ADAMTS13: variants seen among roughly 807,000 people sequenced by gnomAD.
The protein encoded by ADAMTS13 is A disintegrin and metalloproteinase with thrombospondin motifs 13.
In ADAMTS13, 110 loss-of-function variants were observed where a neutral mutation model predicts 155.1. The observed-to-expected ratio is 0.71, with a 90% CI of 0.61 to 0.83. The LOEUF (loss-of-function observed/expected upper bound fraction) is 0.83, where lower values mean the gene tolerates loss of function less well. Among genes scored for constraint, ADAMTS13 ranks in the 40% least tolerant of loss-of-function variants. The pLI, the probability that ADAMTS13 is intolerant of heterozygous loss-of-function variation, is 0.00. For synonymous variants in ADAMTS13, 758 were observed against 756.4 expected, an observed-to-expected ratio of 1.00 and a Z score of -0.03; for missense variants, 1,707 against 1,891.7, an observed-to-expected ratio of 0.90 and a Z score of 1.81.
chr9:133,426,019 G>A lies in ADAMTS13; in HGVS notation c.496G>A (p.Asp166Asn), dbSNP rs781825239. The A allele has an allele frequency of 1.8e-5, 29 of 1,614,020 alleles. No homozygotes were observed. Among genetic ancestry groups the A allele is most frequent in the Admixed American group, 5.0e-5 (3 of 60,028 alleles). Residue 166 changes from aspartate to asparagine, a missense_variant, in exon 5 of 29, where the codon GAC (aspartate) becomes AAC (asparagine). Asp to Asn is a conservative substitution (Grantham distance 23). Coordinates refer to ENST00000355699, the MANE Select transcript of ADAMTS13 (RefSeq NM_139027.6). ...GWSQTINPEDDTDPGHADLVL... is the reference protein window; with the variant it reads ...GWSQTINPEDNTDPGHADLVL... ...GAGCCAGACCATCAACCCTGAGGAC[G>A]ACACGGATCCTGGCCATGCTGACCT...
At chr9:133,430,150 T>A in intron 8 of ADAMTS13, 49 bp downstream of exon 8, 1 of 1,543,214 alleles carries the variant, frequency 6.5e-7, no homozygotes, top group Non-Finnish European at 8.7e-7. Context: ...TCCCTCCGCA[T>A]CACCCAGCTC....
At position 133,425,309 on chromosome 9, in the gene ADAMTS13, T is replaced by G. The variant is rs36218898; in HGVS notation, c.331-220T>G. On this transcript the variant is annotated intron_variant, in intron 3 of 28. Coordinates refer to ENST00000355699, the MANE Select transcript of ADAMTS13 (RefSeq NM_139027.6). This position sits in a 1 kb window ranked among gnomAD's most constrained non-coding sequence, Gnocchi z 4.6. ...CCCTTGCTTTGGAGTTTGTTTTCCT[T>G]GCGTTAGTTGGCCTTCCTGAGCCAT... is the stretch of plus-strand genomic sequence containing the variant. Among the ~76,000 whole-genome samples, 1 of 152,190 alleles carries G rather than the reference T, an allele frequency of 6.6e-6. No homozygotes were observed. Among genetic ancestry groups the G allele is most frequent in the African/African-American group, 2.4e-5 (1 of 41,446 alleles).
At position 133,440,660 on chromosome 9, in the gene ADAMTS13, T is replaced by C. The variant is rs1841605575; in HGVS notation, c.1968+135T>C. 1 of 1,117,444 alleles carries C rather than the reference T, an allele frequency of 8.9e-7. No homozygotes were observed. Among genetic ancestry groups the C allele is most frequent in the Non-Finnish European group, 1.2e-6 (1 of 805,014 alleles). The allele number at this position is 1,117,444 out of a possible 1,614,324, so 69.2% of individuals were successfully genotyped here. A position where few individuals can be genotyped will look rare whatever the true frequency, so the allele number is the denominator to read the frequency against. On this transcript the variant is annotated intron_variant, in intron 16 of 28. Transcript: ENST00000355699. The surrounding 1 kb of genome is among the most constrained non-coding windows in gnomAD (Gnocchi z 4.3). The stretch of plus-strand genomic sequence containing the variant: ...GCGGTCACTTACAGGGGACCCACTA[T>C]GTGTTGGGCCCTGTGCTAGGCAAAA...
chr9:133,458,773 G>A (rs1304831661), intron 28 of ADAMTS13, among the ~76,000 whole-genome samples: 1 of 152,170 alleles, frequency 6.6e-6, no homozygotes, highest in Non-Finnish European at 1.5e-5. Flanking sequence ...CCCCGCTCTG[G>A]CACCCTGACT....
In ADAMTS13 at chr9:133,432,475, G is replaced by A. The variant is rs587772548; in HGVS notation, c.988-113G>A. The stretch of plus-strand genomic sequence containing the variant: ...AGGGCACCAGTGCCCACGGTGCAGA[G>A]TGTTGGCTGTGTCAGTGTGTCCTGC... On this transcript the variant is annotated intron_variant, in intron 8 of 28. Transcript: ENST00000355699. 6.5e-4 allele frequency: 606 copies of A among 936,720 alleles called. 1 individual carries two copies. The highest frequency in any genetic ancestry group is 3.8e-3 in the Middle Eastern group (12 of 3,190). 58.0% of individuals were successfully genotyped at this position (936,720 alleles called of 1,614,324 possible).
At chr9:133,439,595 C>T (rs943819702) in intron 15 of ADAMTS13, 149 bp downstream of exon 15, 3 of 741,648 alleles carry the variant, frequency 4.0e-6, no homozygotes, top group Non-Finnish European at 7.3e-6. Flanking sequence ...AGGAAGACTC[C>T]CAGAGCTCAC....
chr9:133,432,786 C>A, intron 9 of ADAMTS13, 94 bp downstream of exon 9: 2 of 1,227,186 alleles, frequency 1.6e-6, no homozygotes, highest in Non-Finnish European at 2.3e-6. Flanking sequence ...GGAGGCAGGA[C>A]CAGTATGGGG....
chr9:133,430,371 G>C (rs1554787002), intron 8 of ADAMTS13, among the ~76,000 whole-genome samples: 2 of 152,198 alleles, frequency 1.3e-5, no homozygotes, highest in African/African-American at 4.8e-5. Flanking sequence ...TCCTGGCTGA[G>C]TGAGGACACC....
intron 23 of ADAMTS13, 59 bp from the exon 24 acceptor site, chr9:133,454,356 T>C: frequency 6.3e-7 from 1 of 1,591,816 alleles, no homozygotes; most frequent in Non-Finnish European, 8.6e-7. Context: ...GGGGCCTGCG[T>C]GGGGCAGTAC....
chr9:133,417,366 T>C (rs115822076), upstream of ADAMTS13, among the ~76,000 whole-genome samples: 4 of 152,268 alleles, frequency 2.6e-5, no homozygotes, highest in East Asian at 7.7e-4. Flanking sequence ...CCATTCTAGT[T>C]AGTTCATTAT....
Position 133,455,584 on chromosome 9 carries a change from G to T in ADAMTS13, c.3400+149G>T. On this transcript the variant is annotated intron_variant, in intron 25 of 28. Transcript: ENST00000355699. ...CTCGGCGGCTCCTGCCCGGGCCCCA[G>T]GAAAACTCAGTGCAGTCCAGTTATG... 1 of 1,604,226 alleles carries T rather than the reference G, an allele frequency of 6.2e-7. No individual in the cohort carries two copies. The highest frequency in any genetic ancestry group is 1.1e-5 in the South Asian group (1 of 90,994).
intron 9 of ADAMTS13, 52 bp downstream of exon 9, chr9:133,432,744 G>A (rs984088160): frequency 1.3e-5 from 20 of 1,521,590 alleles, no homozygotes; most frequent in East Asian, 2.4e-5. Context: ...GCACGTGGGT[G>A]CCTCCAGCCA....
rs985731672 is a variant in ADAMTS13 at position 133,442,731 on chromosome 9, C to G, written c.2222C>G (p.Pro741Arg). 6.2e-7 allele frequency: 1 copy of G among 1,612,704 alleles called. No homozygotes were observed. Residue 741 changes from proline (P) to arginine (R), a missense_variant, in exon 18 of 29, where the codon CCC (proline) becomes CGC (arginine). Physicochemically the swap from Pro to Arg is moderately radical, Grantham distance 103. Around this residue, in one of 3 missense-constraint regions of ADAMTS13, gnomAD observed 961 missense variants for 1,107.9 expected, o/e 0.87. Coordinates refer to ENST00000355699, the MANE Select transcript of ADAMTS13 (RefSeq NM_139027.6). The part of the protein sequence containing the change: ...PAWPEACVLE[P>R]CPPYWAVGDF... ...TGGCCAGAGGCCTGCGTGCTCGAAC[C>G]CTGCCCTCCCTAGTGAGTGTGGTGC...
At position 133,424,190 on chromosome 9, in the gene ADAMTS13, G is replaced by C; in HGVS notation, c.173-131G>C. 1 of 1,426,726 alleles carries C rather than the reference G, an allele frequency of 7.0e-7. No individual in the cohort carries two copies. The highest frequency in any genetic ancestry group is 9.7e-7 in the Non-Finnish European group (1 of 1,027,526). The allele number at this position is 1,426,726 out of a possible 1,614,324, so 88.4% of individuals were successfully genotyped here. A position where few individuals can be genotyped will look rare whatever the true frequency, so the allele number is the denominator to read the frequency against. The stretch of plus-strand genomic sequence containing the variant: ...AGTCACTAATGGGGTCTGGCTCTTG[G>C]GGTGGGGGTGACACGCAATGTCTTG... On this transcript the variant is annotated intron_variant, in intron 2 of 28. Coordinates refer to ENST00000355699, the MANE Select transcript of ADAMTS13 (RefSeq NM_139027.6). This position sits in a 1 kb window ranked among gnomAD's most constrained non-coding sequence, Gnocchi z 4.3.
intron 8 of ADAMTS13, among the ~76,000 whole-genome samples, chr9:133,431,907 G>A (rs1339205261): frequency 1.3e-5 from 2 of 152,208 alleles, no homozygotes; most frequent in Admixed American, 6.5e-5. Context: ...GCCCGCCTCG[G>A]CCTTCCAAAT....
At position 133,456,344 on chromosome 9, in the gene ADAMTS13, G is replaced by C; in HGVS notation, c.3547+129G>C. 1 of 1,472,500 alleles carries C rather than the reference G, an allele frequency of 6.8e-7. No individual in the cohort carries two copies. 91.2% of individuals were successfully genotyped at this position (1,472,500 alleles called of 1,614,324 possible). On this transcript the variant is annotated intron_variant, in intron 26 of 28. Transcript: ENST00000355699. This position sits in a 1 kb window ranked among gnomAD's most constrained non-coding sequence, Gnocchi z 4.4. The stretch of plus-strand genomic sequence containing the variant: ...ACCTGTAGTTTGCATCCCATCTCAT[G>C]ACTGGGGAGTGATGATCTGCATTTT...
chr9:133,429,640 C>T (rs782658697), intron 7 of ADAMTS13: 1 of 539,702 alleles, frequency 1.9e-6, no homozygotes, highest in Non-Finnish European at 3.5e-6. Flanking sequence ...ATCCCTGCGT[C>T]CCCTTCCCGC....
At chr9:133,428,497 G>A in intron 6 of ADAMTS13, 137 bp from the exon 7 acceptor site, 1 of 433,276 alleles carries the variant, frequency 2.3e-6, no homozygotes. Flanking sequence ...GGCGTCAGGG[G>A]TCGACCCGGG....
intron 8 of ADAMTS13, among the ~76,000 whole-genome samples, chr9:133,431,707 T>G (rs1331085797): frequency 6.6e-6 from 1 of 152,184 alleles, no homozygotes; most frequent in Non-Finnish European, 1.5e-5. Context: ...CAGGCTGGAA[T>G]GCAGTGGCTC....
Sources: allele counts gnomAD v4.1 joint callset (sites outside exome capture counted in the v4.1 genomes callset), GRCh38; gene constraint gnomAD v4.1.1; regional missense constraint gnomAD v4.1.1; non-coding constraint Gnocchi (gnomAD v3.1); transcripts MANE v1.5; gene names NCBI Gene and HGNC (gene_info 2026-07-23, HGNC 2026-07-21).